The following UBE3A variants were observed in gnomAD, a reference collection of about 807,000 sequenced individuals.
UBE3A encodes ubiquitin protein ligase E3A, also known as ubiquitin-protein ligase E3A.
In UBE3A, 6 loss-of-function variants were observed where a neutral mutation model predicts 83.4. The observed-to-expected ratio is 0.07, with a 90% confidence interval of 0.04 to 0.14. The LOEUF (loss-of-function observed/expected upper bound fraction) is 0.14, where lower values mean the gene tolerates loss of function less well. UBE3A is among the 10% of genes least tolerant of loss of function. UBE3A has a pLI of 1.00. For synonymous variants in UBE3A, 337 were observed against 355.4 expected, an observed-to-expected ratio of 0.95 and a Z score of 0.58; for missense variants, 456 against 1,036.1, an observed-to-expected ratio of 0.44 and a Z score of 7.69.
chr15:25,421,167 GT>G (rs1310446779), intron 1 of UBE3A, among the ~76,000 whole-genome samples: 1 of 152,160 alleles, frequency 6.6e-6, no homozygotes, highest in Non-Finnish European at 1.5e-5. Flanking sequence ...TACAGAGTGA[GT>G]TCGCAGATGT....
At chr15:25,341,607 A>G (rs1215078037) in intron 11 of UBE3A, among the ~76,000 whole-genome samples, 3 of 151,282 alleles carry the variant, frequency 2.0e-5, no homozygotes, top group Non-Finnish European at 1.5e-5. Flanking sequence ...CTACTAAAAT[A>G]CAAAAATTAG....
At chr15:25,349,780 CATT>C (rs1367099745) in intron 11 of UBE3A, among the ~76,000 whole-genome samples, 2 of 152,080 alleles carry the variant, frequency 1.3e-5, no homozygotes, top group African/African-American at 4.8e-5. Flanking sequence ...GCTTTAGGGC[CATT>C]ATTAAGTAAA....
At chr15:25,403,818 A>C (rs896584666) in intron 4 of UBE3A, among the ~76,000 whole-genome samples, 137 of 152,324 alleles carry the variant, frequency 9.0e-4, no homozygotes, top group African/African-American at 3.2e-3. Flanking sequence ...ATGAAACTTG[A>C]TGACACTGCG....
intron 12 of UBE3A, 75 bp downstream of exon 12, chr15:25,340,010 A>T: frequency 3.8e-6 from 6 of 1,572,654 alleles, no homozygotes; most frequent in Non-Finnish European, 5.2e-6. Context: ...GAAACTATAA[A>T]GACAGTTCAT....
chr15:25,429,888 T>G (rs4467052), intron 1 of UBE3A, among the ~76,000 whole-genome samples: 2 of 148,090 alleles, frequency 1.4e-5, no homozygotes, highest in African/African-American at 5.1e-5. Context: ...ACCTGTAGTC[T>G]CTGCTACTCA....
intron 4 of UBE3A, among the ~76,000 whole-genome samples, chr15:25,396,806 C>G (rs532786868): frequency 6.6e-6 from 1 of 151,980 alleles, no homozygotes; most frequent in South Asian, 2.1e-4. Context: ...TTACTATGCT[C>G]TTCTACATCC....
intron 5 of UBE3A, chr15:25,374,900 T>C (rs1400009514): frequency 6.5e-6 from 1 of 153,436 alleles, no homozygotes; most frequent in Non-Finnish European, 1.4e-5. Flanking sequence ...CGTAGGACCA[T>C]TTAGAAAACA....
intron 1 of UBE3A, among the ~76,000 whole-genome samples, chr15:25,425,891 C>T (rs1891174839): frequency 6.6e-6 from 1 of 152,052 alleles, no homozygotes; most frequent in Non-Finnish European, 1.5e-5. Context: ...TAAAACTGAG[C>T]CCATGCTGGT....
chr15:25,372,859 G>A (rs2080522391), intron 5 of UBE3A, among the ~76,000 whole-genome samples: 1 of 152,096 alleles, frequency 6.6e-6, no homozygotes, highest in South Asian at 2.1e-4. Context: ...TACATGTAGT[G>A]TACAACATGT....
Position 25,405,499 on chromosome 15 carries a change from TG to T in UBE3A, c.23del (p.Ser8Ter). 6.2e-7 allele frequency: 1 copy of T among 1,613,874 alleles called. No individual in the cohort carries two copies. The highest frequency in any genetic ancestry group is 8.5e-7 in the Non-Finnish European group (1 of 1,179,862). Reference sequence around the variant, plus strand: ...CAATGTCGTCAGACTGAGGTTCTCCTGATCTGTAAAATGCAATTGAGAAACA... The same window carrying T: ...CAATGTCGTCAGACTGAGGTTCTCCTATCTGTAAAATGCAATTGAGAAACA... The part of the protein sequence containing the change: MATACKR[S>X]GEPQSDDIEA... On this transcript the variant is annotated frameshift_variant and splice_region_variant, in exon 4 of 13. Transcript: ENST00000648336. LOFTEE classifies it high-confidence loss of function.
At chr15:25,353,478 T>G (rs1159079197) in intron 11 of UBE3A, among the ~76,000 whole-genome samples, 2 of 152,102 alleles carry the variant, frequency 1.3e-5, no homozygotes, top group African/African-American at 4.8e-5. Flanking sequence ...ATATGCAGGT[T>G]CTGAGTCCCA....
At chr15:25,392,950 T>C (rs529532440) in intron 4 of UBE3A, among the ~76,000 whole-genome samples, 4 of 152,254 alleles carry the variant, frequency 2.6e-5, no homozygotes, top group South Asian at 2.1e-4. Flanking sequence ...TAAAAATACA[T>C]GCACACTTCA....
At chr15:25,403,878 A>G (rs1358279320) in intron 4 of UBE3A, among the ~76,000 whole-genome samples, 1 of 152,194 alleles carries the variant, frequency 6.6e-6, no homozygotes, top group Non-Finnish European at 1.5e-5. Flanking sequence ...GATTGCACTT[A>G]TAGGGGGTAC....
At position 25,334,692 on chromosome 15, in the gene UBE3A, A is replaced by G. The variant is rs963630996; in HGVS notation, c.*4445T>C. On this transcript the variant is annotated 3_prime_UTR_variant, in exon 13 of 13. Coordinates refer to ENST00000648336, the MANE Select transcript of UBE3A (RefSeq NM_130839.5). The stretch of plus-strand genomic sequence containing the variant: ...GCCATCAAGACAGTGCGGTGCTGGT[A>G]TAACGACAGACATATAGGGCAATGG... 4 of 152,128 alleles carry G rather than the reference A, an allele frequency of 2.6e-5. No individual in the cohort carries two copies. Among genetic ancestry groups the G allele is most frequent in the Non-Finnish European group, 4.4e-5 (3 of 68,022 alleles). The allele number at this position is 152,128 out of a possible 1,614,324, so 9.4% of individuals were successfully genotyped here.
chr15:25,387,478 A>T (rs8024421), intron 4 of UBE3A, among the ~76,000 whole-genome samples: 18,095 of 152,020 alleles, frequency 0.12, 1,139 homozygotes, highest in Middle Eastern at 0.23. Flanking sequence ...GCCGAGATCG[A>T]GCCACTGCAC....
At chr15:25,414,499 G>A (rs889313767) in intron 1 of UBE3A, among the ~76,000 whole-genome samples, 6 of 152,096 alleles carry the variant, frequency 3.9e-5, no homozygotes, top group Admixed American at 1.3e-4. Flanking sequence ...GATACAGGGG[G>A]TGTTAAGTTG....
At chr15:25,405,567 A>G in intron 3 of UBE3A, 65 bp from the exon 4 acceptor site, 1 of 1,534,548 alleles carries the variant, frequency 6.5e-7, no homozygotes, top group Admixed American at 1.7e-5. Flanking sequence ...AGGTAGACAT[A>G]TTACTTAGGA....
chr15:25,355,017 TATAA>T (rs2077035721), intron 9 of UBE3A, among the ~76,000 whole-genome samples: 1 of 152,206 alleles, frequency 6.6e-6, no homozygotes, highest in South Asian at 2.1e-4. Context: ...CTGTCATACT[TATAA>T]ATGTCAATTT....
chr15:25,394,011 C>T (rs1233139473), intron 4 of UBE3A, among the ~76,000 whole-genome samples: 3 of 152,156 alleles, frequency 2.0e-5, no homozygotes, highest in Non-Finnish European at 4.4e-5. Context: ...TCTCTGATTC[C>T]AGGTGTTATT....
Sources: allele counts gnomAD v4.1 joint callset (sites outside exome capture counted in the v4.1 genomes callset), GRCh38; gene constraint gnomAD v4.1.1; transcripts MANE v1.5; gene names NCBI Gene and HGNC (gene_info 2026-07-23, HGNC 2026-07-21).